AUTS2: variants seen among roughly 807,000 people sequenced by gnomAD.
AUTS2 encodes activator of transcription and developmental regulator AUTS2, also known as autism susceptibility gene 2 protein.
AUTS2 carries 17 observed loss-of-function variants against 112.4 expected under a neutral mutation model. That is an observed-to-expected ratio of 0.15 (90% CI 0.10 to 0.23). The LOEUF (loss-of-function observed/expected upper bound fraction) is 0.23, where lower values mean the gene tolerates loss of function less well. Among genes scored for constraint, AUTS2 ranks in the 10% least tolerant of loss-of-function variants. The pLI, the probability that AUTS2 is intolerant of heterozygous loss-of-function variation, is 1.00. For synonymous variants in AUTS2, 751 were observed against 702.7 expected (o/e 1.07, Z -1.09); for missense variants, 1,510 against 1,701.6 (o/e 0.89, Z 1.98).
At chr7:70,146,325 A>G (rs979018671) in intron 4 of AUTS2, among the ~76,000 whole-genome samples, 2 of 151,884 alleles carry the variant, frequency 1.3e-5, no homozygotes, top group African/African-American at 4.8e-5. Flanking sequence ...TTATTTTTCT[A>G]CTGGGTGTGA....
chr7:70,593,174 C>G (rs955459766), intron 5 of AUTS2, among the ~76,000 whole-genome samples: 1 of 152,138 alleles, frequency 6.6e-6, no homozygotes, highest in Non-Finnish European at 1.5e-5. Flanking sequence ...AGTTATTTGG[C>G]ATTTATAATT....
chr7:70,055,338 G>T (rs1333662354), intron 2 of AUTS2, among the ~76,000 whole-genome samples: 1 of 152,156 alleles, frequency 6.6e-6, no homozygotes, highest in Non-Finnish European at 1.5e-5. Flanking sequence ...GGAGGCTGAG[G>T]CAGGAGAAGC....
intron 5 of AUTS2, among the ~76,000 whole-genome samples, chr7:70,528,777 T>C (rs1225866079): frequency 6.6e-6 from 1 of 151,136 alleles, no homozygotes; most frequent in Non-Finnish European, 1.5e-5. Flanking sequence ...CACTGCATTC[T>C]AGTCTGGGCA....
chr7:69,733,362 C>T (rs943189654), intron 1 of AUTS2, among the ~76,000 whole-genome samples: 1 of 152,116 alleles, frequency 6.6e-6, no homozygotes, highest in Non-Finnish European at 1.5e-5. Context: ...GATAAATTTG[C>T]ATTAGAACTT....
intron 3 of AUTS2, chr7:70,119,027 GT>G (rs1363508729): frequency 3.8e-5 from 5 of 130,452 alleles, no homozygotes; most frequent in Non-Finnish European, 7.8e-5. Context: ...GTCTCACTCT[GT>G]CGCCAGGCTG....
chr7:70,391,236 C>A (rs2129753414), intron 4 of AUTS2, among the ~76,000 whole-genome samples: 1 of 152,234 alleles, frequency 6.6e-6, no homozygotes, highest in Non-Finnish European at 1.5e-5. Context: ...CTGTCCTCAG[C>A]AAATATGTTT....
chr7:70,019,146 G>A (rs1381576834), intron 2 of AUTS2, among the ~76,000 whole-genome samples: 1 of 152,182 alleles, frequency 6.6e-6, no homozygotes, highest in South Asian at 2.1e-4. Flanking sequence ...ATTATCCTTA[G>A]CCAATTAATG....
intron 1 of AUTS2, among the ~76,000 whole-genome samples, chr7:69,613,791 T>C (rs1222722011): frequency 2.0e-5 from 3 of 152,202 alleles, no homozygotes; most frequent in Admixed American, 2.0e-4. Context: ...GCTAGGTGTA[T>C]TTTTTTAAAA....
intron 5 of AUTS2, chr7:70,596,051 C>T (rs543374428): frequency 8.4e-4 from 128 of 152,372 alleles, no homozygotes; most frequent in African/African-American, 2.7e-3. Flanking sequence ...CCCCCGGGCC[C>T]GGGAATAAAT....
intron 1 of AUTS2, among the ~76,000 whole-genome samples, chr7:69,814,356 G>A (rs1313396709): frequency 1.3e-5 from 2 of 152,212 alleles, no homozygotes; most frequent in Non-Finnish European, 2.9e-5. Flanking sequence ...AAATGAGACT[G>A]AGACAAAATA....
chr7:70,727,706 T>C (rs985499541), intron 6 of AUTS2, among the ~76,000 whole-genome samples: 4 of 152,220 alleles, frequency 2.6e-5, no homozygotes, highest in Non-Finnish European at 4.4e-5. Context: ...ATAAAAAGAC[T>C]TTCTTAATCA....
chr7:70,684,326 A>G (rs189546660), intron 5 of AUTS2, among the ~76,000 whole-genome samples: 1 of 152,306 alleles, frequency 6.6e-6, no homozygotes, highest in East Asian at 1.9e-4. Flanking sequence ...TTCAAACCAC[A>G]AAACCTGGGA....
intron 2 of AUTS2, among the ~76,000 whole-genome samples, chr7:70,073,433 C>T (rs1318010588): frequency 6.6e-6 from 1 of 151,212 alleles, no homozygotes; most frequent in Non-Finnish European, 1.5e-5. Flanking sequence ...ATTACTTGAA[C>T]CCAGGAGGTG....
At chr7:69,915,999 G>A (rs1020433258) in intron 2 of AUTS2, among the ~76,000 whole-genome samples, 4 of 151,968 alleles carry the variant, frequency 2.6e-5, no homozygotes, top group South Asian at 2.1e-4. Context: ...GATTACAGGC[G>A]TGAGCCACCG....
intron 1 of AUTS2, among the ~76,000 whole-genome samples, chr7:69,739,455 A>G (rs946470237): frequency 6.6e-6 from 1 of 152,218 alleles, no homozygotes; most frequent in Non-Finnish European, 1.5e-5. Flanking sequence ...ATTTAAGGGC[A>G]TGACTGGCAT....
intron 4 of AUTS2, among the ~76,000 whole-genome samples, chr7:70,173,494 A>G (rs1387091519): frequency 2.6e-5 from 4 of 152,186 alleles, no homozygotes; most frequent in Non-Finnish European, 5.9e-5. Flanking sequence ...CATCTGGCAT[A>G]TTTACATGAC....
chr7:70,096,729 A>G (rs1804226612), intron 2 of AUTS2, among the ~76,000 whole-genome samples: 1 of 132,838 alleles, frequency 7.5e-6, no homozygotes, highest in African/African-American at 2.9e-5. Context: ...ATTGAAGCCA[A>G]CTGTGTTGTC....
intron 1 of AUTS2, among the ~76,000 whole-genome samples, chr7:69,823,262 C>T (rs953279141): frequency 6.6e-6 from 1 of 152,216 alleles, no homozygotes; most frequent in Non-Finnish European, 1.5e-5. Context: ...GTGGAAGCTG[C>T]AGCTACAGTG....
intron 4 of AUTS2, among the ~76,000 whole-genome samples, chr7:70,235,777 A>G (rs1812295132): frequency 6.6e-6 from 1 of 151,370 alleles, no homozygotes; most frequent in South Asian, 2.1e-4. Flanking sequence ...TCAGCCCACC[A>G]TGTAGCTGGG....
Sources: gnomAD v4.1 joint callset for allele counts (sites outside exome capture counted in the v4.1 genomes callset) on GRCh38, gnomAD v4.1.1 for gene constraint, MANE v1.5 for transcripts, NCBI Gene and HGNC (gene_info 2026-07-23, HGNC 2026-07-21) for gene names.